The following MPPED2 variants were observed in gnomAD, a reference collection of about 807,000 sequenced individuals.
MPPED2 encodes the protein metallophosphoesterase MPPED2.
Under a neutral mutation model 33.0 loss-of-function variants are expected in MPPED2, and 5 were observed. That is an observed-to-expected ratio of 0.15 (90% CI 0.08 to 0.32). The LOEUF (loss-of-function observed/expected upper bound fraction) is 0.32, where lower values mean the gene tolerates loss of function less well. MPPED2 is among the 10% of genes least tolerant of loss of function. The pLI, the probability that MPPED2 is intolerant of heterozygous loss-of-function variation, is 1.00. For missense variants in MPPED2, 275 were observed against 372.1 expected (o/e 0.74, Z 2.15); for synonymous variants, 136 against 141.9 (o/e 0.96, Z 0.29).
chr11:30,548,368 C>T (rs1178283639), intron 2 of MPPED2, among the ~76,000 whole-genome samples: 1 of 152,136 alleles, frequency 6.6e-6, no homozygotes, highest in African/African-American at 2.4e-5. Context: ...CATGTGCCAC[C>T]ACACCCAGCT....
intron 4 of MPPED2, among the ~76,000 whole-genome samples, chr11:30,487,634 T>A (rs576170): frequency 1.3e-5 from 2 of 152,126 alleles, no homozygotes; most frequent in Admixed American, 6.5e-5. Context: ...GCACATACCA[T>A]GCCTGGCTAA....
intron 1 of MPPED2, among the ~76,000 whole-genome samples, 175 bp downstream of exon 1, chr11:30,585,867 G>A (rs568899835): frequency 1.3e-5 from 2 of 152,286 alleles, no homozygotes; most frequent in South Asian, 4.1e-4. Flanking sequence ...GGGGCACCGG[G>A]GCAGCCCGGG....
chr11:30,399,945 G>A (rs1056196318), intron 6 of MPPED2, among the ~76,000 whole-genome samples: 4 of 152,184 alleles, frequency 2.6e-5, no homozygotes, highest in Non-Finnish European at 4.4e-5. Flanking sequence ...AACATTTAAA[G>A]TATTAAGCTT....
At chr11:30,385,802 C>T (rs1947695816) in exon 7 of MPPED2, 1 of 152,160 alleles carries the variant, frequency 6.6e-6, no homozygotes, top group Non-Finnish European at 1.5e-5. Context: ...TCATCCACAT[C>T]ACTTAGACCT....
rs369682496 is a variant in MPPED2 at position 30,386,435 on chromosome 11, G to T, written c.*2454C>A. On this transcript the variant is annotated 3_prime_UTR_variant, in exon 7 of 7. Coordinates refer to the MPPED2 transcript ENST00000448418. ...AGCTCCAATTCCAGTCTTGGCTCAA[G>T]GTATAGATTAGGGTGCTGCTTGAGA... The T allele has an allele frequency of 9.6e-5, 25 of 261,050 alleles. No homozygotes were observed. The East Asian group carries it at 1.3e-3, about 13-fold the overall frequency. 16.2% of individuals were successfully genotyped at this position (261,050 alleles called of 1,614,324 possible).
intron 2 of MPPED2, among the ~76,000 whole-genome samples, chr11:30,548,746 A>C (rs1220598614): frequency 6.6e-6 from 1 of 152,206 alleles, no homozygotes; most frequent in Non-Finnish European, 1.5e-5. Flanking sequence ...AACAATTTAA[A>C]TTGAAGAGGG....
In MPPED2 at chr11:30,411,422, G is replaced by T. The variant is rs1184461037; in HGVS notation, c.*46C>A. ...ATGTAAGTTTATAATTAGAAAAATG[G>T]CAGTTTATAGACCTTCCCTCACATT... is the stretch of plus-strand genomic sequence containing the variant. On this transcript the variant is annotated 3_prime_UTR_variant, in exon 7 of 7. Transcript: ENST00000358117. The T allele has an allele frequency of 1.1e-5, 17 of 1,550,000 alleles. No homozygotes were observed. Among genetic ancestry groups the T allele is most frequent in the Non-Finnish European group, 1.5e-5 (17 of 1,143,324 alleles).
At chr11:30,525,908 A>T (rs918870323) in intron 3 of MPPED2, among the ~76,000 whole-genome samples, 2 of 152,232 alleles carry the variant, frequency 1.3e-5, no homozygotes, top group Non-Finnish European at 2.9e-5. Context: ...AGACCTAGTC[A>T]TCTTGTCCTC....
chr11:30,532,268 T>C (rs1231885844), intron 3 of MPPED2, among the ~76,000 whole-genome samples: 2 of 152,188 alleles, frequency 1.3e-5, no homozygotes, highest in African/African-American at 2.4e-5. Flanking sequence ...TCATTAAATC[T>C]CTCCAGTCTC....
chr11:30,417,519 T>C lies in MPPED2; in HGVS notation c.651A>G (p.Leu217=), dbSNP rs1487388747. 2 of 1,592,494 alleles carry C rather than the reference T, an allele frequency of 1.3e-6. No individual in the cohort carries two copies. The highest frequency in any genetic ancestry group is 1.7e-6 in the Non-Finnish European group (2 of 1,160,858). The change falls in exon 5 of 7, where the codon CTA becomes CTG. Residue 217 remains leucine, a splice_region_variant and synonymous_variant. Coordinates refer to ENST00000358117, the MANE Select transcript of MPPED2 (RefSeq NM_001584.3). ...AAGGACAACCTTTGCTTCACTTACC[T>C]AGAGGAGGTCCATGTGTCATGAGTA... is the stretch of plus-strand genomic sequence containing the variant. ...IDILMTHGPP[L]GFRDWVPKEL...
intron 6 of MPPED2, among the ~76,000 whole-genome samples, chr11:30,403,824 CA>C (rs974848143): frequency 1.3e-5 from 2 of 152,094 alleles, no homozygotes; most frequent in African/African-American, 4.8e-5. Flanking sequence ...TACTACTATG[CA>C]AAACTCACAG....
chr11:30,498,835 A>G (rs965662268), intron 3 of MPPED2, among the ~76,000 whole-genome samples: 1 of 152,222 alleles, frequency 6.6e-6, no homozygotes, highest in Non-Finnish European at 1.5e-5. Context: ...GAGGTAACTT[A>G]CAGGGACAAT....
chr11:30,406,141 A>G (rs1947986179), downstream of MPPED2, among the ~76,000 whole-genome samples: 1 of 152,196 alleles, frequency 6.6e-6, no homozygotes, highest in Admixed American at 6.5e-5. Context: ...CGGGTTGAAG[A>G]AAAGGAAAAT....
At chr11:30,414,366 A>G (rs1238589481) in intron 5 of MPPED2, 25 bp from the exon 6 acceptor site, 3 of 1,439,764 alleles carry the variant, frequency 2.1e-6, no homozygotes, top group South Asian at 1.1e-5. Context: ...CAATCAATAC[A>G]CTTAATTTTC....
At chr11:30,440,454 A>G (rs73455711) in intron 4 of MPPED2, among the ~76,000 whole-genome samples, 4,120 of 152,274 alleles carry the variant, frequency 0.027, 175 homozygotes, top group African/African-American at 0.093. Context: ...TGGGCCGTAA[A>G]GTCTAAGATA....
intron 4 of MPPED2, among the ~76,000 whole-genome samples, chr11:30,461,231 A>T (rs1454805863): frequency 6.6e-6 from 1 of 152,190 alleles, no homozygotes; most frequent in Non-Finnish European, 1.5e-5. Flanking sequence ...AATGGTAGTT[A>T]TCATTTAATG....
At chr11:30,580,630 T>C (rs1957123878) in intron 1 of MPPED2, 136 bp from the exon 2 acceptor site, 1 of 787,842 alleles carries the variant, frequency 1.3e-6, no homozygotes. Flanking sequence ...TGGATACAAC[T>C]GTTCCCAACT....
chr11:30,577,458 G>T (rs1354478214), intron 2 of MPPED2, among the ~76,000 whole-genome samples: 3 of 152,204 alleles, frequency 2.0e-5, no homozygotes, highest in Admixed American at 6.5e-5. Context: ...AACTACGCAA[G>T]TGGAAAAGAC....
chr11:30,414,075 C>T (rs963117320), intron 6 of MPPED2, among the ~76,000 whole-genome samples, 153 bp downstream of exon 6: 1 of 152,202 alleles, frequency 6.6e-6, no homozygotes, highest in Non-Finnish European at 1.5e-5. Context: ...TATTTATCAG[C>T]TTTATATTCA....
Sources: allele counts gnomAD v4.1 joint callset (sites outside exome capture counted in the v4.1 genomes callset), GRCh38; gene constraint gnomAD v4.1.1; transcripts MANE v1.5; gene names NCBI Gene and HGNC (gene_info 2026-07-23, HGNC 2026-07-21).